The following KCTD1 variants were observed in gnomAD, a reference collection of about 807,000 sequenced individuals.
KCTD1 encodes BTB/POZ domain-containing protein KCTD1.
In KCTD1, 24 loss-of-function variants were observed where a neutral mutation model predicts 66.0. The observed-to-expected ratio is 0.36, with a 90% CI of 0.26 to 0.51. The LOEUF (loss-of-function observed/expected upper bound fraction) is 0.51, where lower values mean the gene tolerates loss of function less well. Among genes scored for constraint, KCTD1 ranks in the 20% least tolerant of loss-of-function variants. The probability of loss-of-function intolerance (pLI) is 0.95; values close to 1 mark genes in which losing one functional copy is unlikely to be tolerated. For synonymous variants in KCTD1, 511 were observed against 517.2 expected (o/e 0.99, Z 0.16); for missense variants, 943 against 1,205.2 (o/e 0.78, Z 3.22).
chr18:26,455,784 C>A lies in KCTD1; in HGVS notation c.2557G>T (p.Val853Leu). The change falls in exon 5 of 5, where the codon GTA becomes TTA. Residue 853 changes from valine to leucine, a missense_variant. Around this residue, in one of 10 missense-constraint regions of KCTD1, gnomAD observed 162 missense variants for 232.4 expected, o/e 0.70. Transcript: ENST00000580059. ...LRRELRRTPR[V>L]PSVIRIKQEP... is the part of the protein sequence containing the mutation. The stretch of plus-strand genomic sequence containing the variant: ...TGCTTTATCCGGATGACGGAGGGTA[C>A]ACGGGGCGTCCGCCTCAGTTCCCGC... 2 of 1,614,130 alleles carry A rather than the reference C, an allele frequency of 1.2e-6. No individual in the cohort carries two copies. Among genetic ancestry groups the A allele is most frequent in the Non-Finnish European group, 1.7e-6 (2 of 1,180,038 alleles).
chr18:26,591,394 C>T (rs1437080123), intron 1 of KCTD1: 1 of 152,126 alleles, frequency 6.6e-6, no homozygotes, highest in Non-Finnish European at 1.5e-5. Context: ...ATAATTTCAT[C>T]CTTTCAGGAA....
upstream of KCTD1, among the ~76,000 whole-genome samples, chr18:26,632,211 C>T (rs7230108): frequency 1.4e-3 from 211 of 152,062 alleles, no homozygotes; most frequent in African/African-American, 5.0e-3. Flanking sequence ...ATGGTGAAAC[C>T]CCCTCTCTAC....
At chr18:26,542,470 C>T (rs946015675) in intron 1 of KCTD1, among the ~76,000 whole-genome samples, 1 of 152,182 alleles carries the variant, frequency 6.6e-6, no homozygotes, top group Admixed American at 6.5e-5. Context: ...ACACATACTA[C>T]ACAGGAACTC....
At chr18:26,600,242 G>A (rs1404270224) in intron 1 of KCTD1, 5 of 1,606,848 alleles carry the variant, frequency 3.1e-6, no homozygotes, top group Non-Finnish European at 1.7e-6. Context: ...TGCTACCTGG[G>A]TGATGCCTTC....
intron 1 of KCTD1, among the ~76,000 whole-genome samples, chr18:26,530,797 T>C (rs923036475): frequency 2.0e-5 from 3 of 152,194 alleles, no homozygotes; most frequent in Non-Finnish European, 4.4e-5. Flanking sequence ...GATGTGGGTT[T>C]TTTTCTTTAT....
At chr18:26,571,820 G>C (rs1028398327) in intron 1 of KCTD1, among the ~76,000 whole-genome samples, 1 of 151,992 alleles carries the variant, frequency 6.6e-6, no homozygotes, top group Non-Finnish European at 1.5e-5. Flanking sequence ...AAAAGTCACG[G>C]GGTAGCAAAT....
chr18:26,532,209 T>C (rs1984466882), intron 1 of KCTD1, among the ~76,000 whole-genome samples: 1 of 151,902 alleles, frequency 6.6e-6, no homozygotes, highest in Non-Finnish European at 1.5e-5. Flanking sequence ...TCTGAGTCTA[T>C]GAGTCAGGAT....
intron 1 of KCTD1, among the ~76,000 whole-genome samples, chr18:26,568,183 A>G (rs532604626): frequency 4.7e-4 from 71 of 152,334 alleles, no homozygotes; most frequent in African/African-American, 1.6e-3. Flanking sequence ...CGAGGGAAAG[A>G]GTGGAGTAGT....
intron 1 of KCTD1, among the ~76,000 whole-genome samples, chr18:26,563,447 C>G (rs529535798): frequency 6.6e-6 from 1 of 152,370 alleles, no homozygotes; most frequent in Admixed American, 6.5e-5. Context: ...AAACACTTGT[C>G]TCTCATCCTA....
At chr18:26,566,802 C>T (rs1598944525) in intron 1 of KCTD1, 1 of 149,846 alleles carries the variant, frequency 6.7e-6, no homozygotes, top group East Asian at 2.0e-4. Context: ...AGACAACAGT[C>T]CCCAAGCTCT....
At chr18:26,611,596 C>A (rs185670003) in intron 1 of KCTD1, among the ~76,000 whole-genome samples, 1 of 152,306 alleles carries the variant, frequency 6.6e-6, no homozygotes, top group Admixed American at 6.5e-5. Context: ...GGTGATCCGC[C>A]TGCCTTGGCC....
At chr18:26,573,651 C>T (rs755195734) in intron 1 of KCTD1, among the ~76,000 whole-genome samples, 28 of 152,296 alleles carry the variant, frequency 1.8e-4, no homozygotes, top group South Asian at 6.2e-4. Flanking sequence ...CTGCTGTGCA[C>T]GGAATTTGCC....
intron 1 of KCTD1, chr18:26,599,374 G>C: frequency 6.3e-7 from 1 of 1,598,518 alleles, no homozygotes; most frequent in Admixed American, 1.8e-5. Context: ...TTGGCTAGCA[G>C]TTTTTAGGTC....
intron 1 of KCTD1, among the ~76,000 whole-genome samples, chr18:26,622,171 A>G (rs1987400276): frequency 1.3e-5 from 2 of 152,170 alleles, no homozygotes; most frequent in Admixed American, 6.5e-5. Flanking sequence ...TCTACTAAAG[A>G]TCACAGAAGT....
At chr18:26,515,641 C>T (rs1430394947) in intron 1 of KCTD1, among the ~76,000 whole-genome samples, 1 of 151,708 alleles carries the variant, frequency 6.6e-6, no homozygotes, top group Non-Finnish European at 1.5e-5. Context: ...GAGTGAGTAG[C>T]TAGGATTACA....
intron 3 of KCTD1, among the ~76,000 whole-genome samples, chr18:26,472,013 G>C (rs913760785): frequency 6.6e-6 from 1 of 152,114 alleles, no homozygotes; most frequent in African/African-American, 2.4e-5. Flanking sequence ...CGAAGAAGAG[G>C]AAAAAGTCCA....
intron 3 of KCTD1, among the ~76,000 whole-genome samples, chr18:26,470,419 T>A (rs1319147493): frequency 7.2e-5 from 11 of 152,198 alleles, no homozygotes; most frequent in Non-Finnish European, 1.6e-4. Context: ...TTATCCTGCC[T>A]TGACTGAGGA....
At position 26,484,980 on chromosome 18, in the gene KCTD1, T is replaced by C. The variant is rs912317212; in HGVS notation, c.1989-8321A>G. ...TCTCTCAGTATTGACCTGAGCGGGG[T>C]AGATAAGGGCGCCATTATTCACAAG... On this transcript the variant is annotated intron_variant, in intron 2 of 4. Coordinates refer to ENST00000580059, the MANE Select transcript of KCTD1 (RefSeq NM_001142730.3). Among the ~76,000 whole-genome samples, 4 of 152,152 alleles carry C rather than the reference T, an allele frequency of 2.6e-5. 1 individual carries two copies. Among genetic ancestry groups the C allele is most frequent in the Admixed American group, 2.6e-4 (4 of 15,290 alleles).
intron 1 of KCTD1, among the ~76,000 whole-genome samples, chr18:26,635,045 G>A (rs541880280): frequency 6.6e-6 from 1 of 152,298 alleles, no homozygotes; most frequent in Admixed American, 6.5e-5. Flanking sequence ...AAATTTTAAT[G>A]TAATTCCAGC....
Sources: gnomAD v4.1 joint callset for allele counts (sites outside exome capture counted in the v4.1 genomes callset) on GRCh38, gnomAD v4.1.1 for gene constraint, gnomAD v4.1.1 regional missense constraint, MANE v1.5 for transcripts, NCBI Gene and HGNC (gene_info 2026-07-23, HGNC 2026-07-21) for gene names.